Variants in RANBP2 observed in about 807,000 individuals in gnomAD.
RANBP2 encodes E3 SUMO-protein ligase RanBP2.
A neutral mutation model predicts 303.6 loss-of-function variants in RANBP2; 57 were observed. That is an observed-to-expected ratio of 0.19 (90% confidence interval 0.15 to 0.23). The LOEUF (loss-of-function observed/expected upper bound fraction) is 0.23, where lower values mean the gene tolerates loss of function less well. Ranked by LOEUF, RANBP2 falls within the 10% of genes least tolerant of loss-of-function variation. The probability of loss-of-function intolerance (pLI) is 1.00; values close to 1 mark genes in which losing one functional copy is unlikely to be tolerated. For missense variants in RANBP2, 3,138 were observed against 3,780.8 expected (o/e 0.83, Z 4.46); for synonymous variants, 1,167 against 1,301.5 (o/e 0.90, Z 2.23).
At chr2:108,868,514 C>T in the RANBP2 span, among the ~76,000 whole-genome samples, 1 of 152,186 alleles carries the variant, frequency 6.6e-6, no homozygotes, top group South Asian at 2.1e-4. Context: ...TCACCTCTTT[C>T]TACCTCACCT....
At chr2:109,151,222 C>A in the RANBP2 span, among the ~76,000 whole-genome samples, 1,614 of 152,298 alleles carry the variant, frequency 0.011, 38 homozygotes, top group African/African-American at 0.037. Context: ...ACTGAGGTAT[C>A]TGTGCTGTCT....
chr2:109,661,329 C>G, the RANBP2 span, among the ~76,000 whole-genome samples: 2 of 151,804 alleles, frequency 1.3e-5, no homozygotes, highest in South Asian at 2.1e-4. Context: ...TCACTGCAAC[C>G]TCCACCTCCT....
chr2:109,067,257 T>C, the RANBP2 span, among the ~76,000 whole-genome samples: 1 of 152,108 alleles, frequency 6.6e-6, no homozygotes, highest in Non-Finnish European at 1.5e-5. Flanking sequence ...GCAATAAGGA[T>C]TAGAAAAAGT....
chr2:109,411,442 C>T, the RANBP2 span, among the ~76,000 whole-genome samples: 6 of 152,184 alleles, frequency 3.9e-5, no homozygotes, highest in African/African-American at 1.2e-4. Flanking sequence ...CCCCCAGTAG[C>T]GTGCTGCTGA....
the RANBP2 span, among the ~76,000 whole-genome samples, chr2:109,587,079 G>T: frequency 6.6e-6 from 1 of 152,184 alleles, no homozygotes; most frequent in Non-Finnish European, 1.5e-5. Flanking sequence ...TGTTTAATTA[G>T]CAGGTAAGAA....
At chr2:109,326,387 C>T in the RANBP2 span, among the ~76,000 whole-genome samples, 1 of 152,014 alleles carries the variant, frequency 6.6e-6, no homozygotes, top group Non-Finnish European at 1.5e-5. Flanking sequence ...TGTAGAAGTA[C>T]ATCCTTACCC....
the RANBP2 span, among the ~76,000 whole-genome samples, chr2:109,365,960 C>T: frequency 5.3e-5 from 8 of 152,146 alleles, no homozygotes; most frequent in Non-Finnish European, 1.0e-4. Context: ...TTTAGAAGCA[C>T]AAGAAAATTA....
chr2:109,254,400 A>C, the RANBP2 span, among the ~76,000 whole-genome samples: 2 of 152,166 alleles, frequency 1.3e-5, no homozygotes, highest in Non-Finnish European at 2.9e-5. Flanking sequence ...GGGGCAGCAC[A>C]TTCCTCATTG....
chr2:108,886,663 C>T, the RANBP2 span, among the ~76,000 whole-genome samples: 5 of 152,112 alleles, frequency 3.3e-5, no homozygotes, highest in African/African-American at 9.7e-5. Flanking sequence ...CCATCTGCCT[C>T]GGCCTCCCAA....
chr2:108,805,724 C>CAA, the RANBP2 span, among the ~76,000 whole-genome samples: 1 of 135,344 alleles, frequency 7.4e-6, no homozygotes, highest in Non-Finnish European at 1.6e-5. Flanking sequence ...GAGACTGTCT[C>CAA]AAAAAAAAAA....
At chr2:109,418,515 C>G in the RANBP2 span, among the ~76,000 whole-genome samples, 1 of 152,164 alleles carries the variant, frequency 6.6e-6, no homozygotes, top group South Asian at 2.1e-4. Flanking sequence ...GGATGCATCA[C>G]TCCTGTCACT....
chr2:109,266,150 G>A, the RANBP2 span, among the ~76,000 whole-genome samples: 1 of 151,670 alleles, frequency 6.6e-6, no homozygotes, highest in Non-Finnish European at 1.5e-5. Context: ...CATGTGTGCT[G>A]TGTGTGTTGT....
At chr2:109,659,732 C>G in the RANBP2 span, among the ~76,000 whole-genome samples, 2 of 152,196 alleles carry the variant, frequency 1.3e-5, no homozygotes, top group East Asian at 1.9e-4. Flanking sequence ...TCTGAGGGGG[C>G]CGCGGGGCCG....
At chr2:108,879,231 C>G in the RANBP2 span, among the ~76,000 whole-genome samples, 5 of 152,200 alleles carry the variant, frequency 3.3e-5, no homozygotes, top group Non-Finnish European at 7.3e-5. Context: ...CTCAGCCTTC[C>G]AGAATGCTGG....
the RANBP2 span, among the ~76,000 whole-genome samples, chr2:109,075,952 C>A: frequency 6.6e-6 from 1 of 150,600 alleles, no homozygotes; most frequent in African/African-American, 2.4e-5. Context: ...ATGAGGTCAG[C>A]ATTACCCTGA....
At chr2:109,432,483 C>A in the RANBP2 span, 1 of 1,612,226 alleles carries the variant, frequency 6.2e-7, no homozygotes, top group Non-Finnish European at 8.5e-7. Context: ...TGACACTGGC[C>A]CCATGCTTTG....
At chr2:109,304,356 CT>C in the RANBP2 span, among the ~76,000 whole-genome samples, 1 of 152,182 alleles carries the variant, frequency 6.6e-6, no homozygotes, top group Non-Finnish European at 1.5e-5. Context: ...TTTCCTGTGA[CT>C]GGCTTATTTC....
chr2:109,416,821 G>A, the RANBP2 span, among the ~76,000 whole-genome samples: 14 of 150,816 alleles, frequency 9.3e-5, no homozygotes, highest in Admixed American at 7.3e-4. Context: ...CGGGAGAATC[G>A]CCTGAGCCCA....
chr2:108,899,999 A>C, the RANBP2 span, among the ~76,000 whole-genome samples: 1 of 152,144 alleles, frequency 6.6e-6, no homozygotes, highest in African/African-American at 2.4e-5. Context: ...AATAATAATA[A>C]TAATAACACC....
Sources: allele counts gnomAD v4.1 joint callset (sites outside exome capture counted in the v4.1 genomes callset), GRCh38; gene constraint gnomAD v4.1.1; transcripts MANE v1.5; gene names NCBI Gene and HGNC (gene_info 2026-07-23, HGNC 2026-07-21).